The following ANKS1B variants were observed in gnomAD, a reference collection of about 807,000 sequenced individuals.
ANKS1B encodes ankyrin repeat and sterile alpha motif domain containing 1B, also known as ankyrin repeat and sterile alpha motif domain-containing protein 1B.
A neutral mutation model predicts 148.3 loss-of-function variants in ANKS1B; 36 were observed. The ratio of observed to expected loss-of-function variants is 0.24; its 90% CI spans 0.19 to 0.32. ANKS1B has a LOEUF of 0.32. Ranked by LOEUF, ANKS1B falls within the 10% of genes least tolerant of loss-of-function variation. ANKS1B has a pLI of 1.00. For missense variants in ANKS1B, 1,157 were observed against 1,542.6 expected, an observed-to-expected ratio of 0.75 and a Z score of 4.19; for synonymous variants, 542 against 560.8, an observed-to-expected ratio of 0.97 and a Z score of 0.47.
chr12:98,859,816 C>T (rs574473233), intron 17 of ANKS1B, among the ~76,000 whole-genome samples: 2 of 152,218 alleles, frequency 1.3e-5, no homozygotes, highest in East Asian at 1.9e-4. Flanking sequence ...AAATTTTTGG[C>T]CTTTTGGGAG....
intron 10 of ANKS1B, among the ~76,000 whole-genome samples, chr12:99,499,972 T>C (rs762110107): frequency 2.0e-5 from 3 of 151,104 alleles, no homozygotes; most frequent in African/African-American, 4.9e-5. Flanking sequence ...CCAGTGCCTG[T>C]CAAGCCAAAA....
Position 98,751,481 on chromosome 12 carries a change from G to A in ANKS1B, c.3621C>T (p.Phe1207=), listed in dbSNP as rs946642714. 1.9e-5 allele frequency: 30 copies of A among 1,613,950 alleles called. No individual in the cohort carries two copies. The highest frequency in any genetic ancestry group is 1.6e-4 in the Middle Eastern group (1 of 6,062). ...GTAGTGCTAGCTGGTAAGCGACTTC[G>A]AATGCCTGTCCCAGGGTTAGGATGA... is the stretch of plus-strand genomic sequence containing the variant. ...YEIILTLGQA[F]EVAYQLALQA... The change falls in exon 26 of 27, where the codon TTC becomes TTT. Residue 1207 remains phenylalanine (F), a synonymous_variant. Transcript: ENST00000683438. This position sits in a 1 kb window ranked among gnomAD's most constrained non-coding sequence, Gnocchi z 4.3.
chr12:99,098,802 G>A (rs1599934033), intron 15 of ANKS1B, among the ~76,000 whole-genome samples: 1 of 151,010 alleles, frequency 6.6e-6, no homozygotes, highest in African/African-American at 2.4e-5. Flanking sequence ...TAGCTTTGTG[G>A]CCTTGGGAAA....
chr12:99,093,215 A>G (rs957091997), intron 15 of ANKS1B: 6 of 152,204 alleles, frequency 3.9e-5, no homozygotes, highest in Non-Finnish European at 8.8e-5. Flanking sequence ...TTTCACATAA[A>G]TTATTTATCT....
chr12:99,575,756 TG>T (rs1330068109), intron 9 of ANKS1B, among the ~76,000 whole-genome samples: 1 of 151,948 alleles, frequency 6.6e-6, no homozygotes, highest in African/African-American at 2.4e-5. Flanking sequence ...GAGATTTGGG[TG>T]GGGACACCCA....
intron 1 of ANKS1B, among the ~76,000 whole-genome samples, chr12:99,973,401 G>A (rs2095584934): frequency 6.6e-6 from 1 of 152,158 alleles, no homozygotes; most frequent in South Asian, 2.1e-4. Flanking sequence ...GCAACATAGG[G>A]AAACCCTGTC....
intron 17 of ANKS1B, among the ~76,000 whole-genome samples, chr12:98,881,537 C>A (rs1364645688): frequency 1.3e-5 from 2 of 152,050 alleles, no homozygotes; most frequent in Non-Finnish European, 2.9e-5. Flanking sequence ...GAATGTTATT[C>A]TTTCTGCTGT....
intron 25 of ANKS1B, among the ~76,000 whole-genome samples, chr12:98,765,302 T>A (rs1231352212): frequency 6.6e-6 from 1 of 152,220 alleles, no homozygotes; most frequent in African/African-American, 2.4e-5. Context: ...TCTTGCTCAG[T>A]CACCCAGGCT....
intron 14 of ANKS1B, among the ~76,000 whole-genome samples, chr12:99,177,495 C>T (rs138294445): frequency 6.6e-6 from 1 of 152,294 alleles, no homozygotes; most frequent in East Asian, 1.9e-4. Flanking sequence ...GAAACATGTC[C>T]CTGATGATCT....
chr12:99,188,911 G>A (rs2080261403), intron 14 of ANKS1B, among the ~76,000 whole-genome samples: 1 of 152,066 alleles, frequency 6.6e-6, no homozygotes, highest in Admixed American at 6.6e-5. Context: ...CCAGGAGCTG[G>A]TTTTCTGAAA....
intron 8 of ANKS1B, among the ~76,000 whole-genome samples, chr12:99,744,258 T>C (rs1601226782): frequency 1.3e-5 from 2 of 152,360 alleles, no homozygotes; most frequent in Middle Eastern, 3.4e-3. Context: ...TTTCTCCTTT[T>C]TGAGAGTCAA....
At chr12:99,122,721 C>T (rs2063198224) in intron 15 of ANKS1B, among the ~76,000 whole-genome samples, 1 of 152,102 alleles carries the variant, frequency 6.6e-6, no homozygotes, top group Non-Finnish European at 1.5e-5. Flanking sequence ...AACCAGCAGT[C>T]CTCTCAGCAG....
At chr12:99,521,587 T>C (rs905088754) in intron 9 of ANKS1B, among the ~76,000 whole-genome samples, 1 of 152,186 alleles carries the variant, frequency 6.6e-6, no homozygotes, top group Non-Finnish European at 1.5e-5. Context: ...CCTAATGCTG[T>C]GGTTTTTGCA....
chr12:99,864,522 C>T (rs566101731), intron 1 of ANKS1B, among the ~76,000 whole-genome samples: 1 of 152,178 alleles, frequency 6.6e-6, no homozygotes, highest in South Asian at 2.1e-4. Flanking sequence ...TCCTTGTTTG[C>T]TGTGATAGGG....
rs967841926 is a variant in ANKS1B at position 99,955,672 on chromosome 12, A to G, written c.134+28432T>C. 1.2e-4 allele frequency among the ~76,000 whole-genome samples: 18 copies of G among 152,268 alleles called. No homozygotes were observed. The South Asian group carries it at 1.2e-3, about 11-fold the overall frequency. ...GGTTGCTGGAGGAAAACATGAACCA[A>G]TAACTTGCAGGCTTGAGTTACAAAG... On this transcript the variant is annotated intron_variant, in intron 1 of 26. Coordinates refer to ENST00000683438, the MANE Select transcript of ANKS1B (RefSeq NM_001352186.2).
chr12:99,951,803 T>C (rs1362981906), intron 1 of ANKS1B, among the ~76,000 whole-genome samples: 3 of 151,810 alleles, frequency 2.0e-5, no homozygotes, highest in Admixed American at 1.3e-4. Context: ...GGAAGATCAC[T>C]TGAGCCCAGC....
At chr12:99,475,767 CATTA>C (rs2096309407) in intron 10 of ANKS1B, among the ~76,000 whole-genome samples, 1 of 151,662 alleles carries the variant, frequency 6.6e-6, no homozygotes, top group South Asian at 2.1e-4. Flanking sequence ...ACTGTAATTA[CATTA>C]ATCAGTCATA....
At chr12:99,538,393 C>T (rs114491225) in intron 9 of ANKS1B, among the ~76,000 whole-genome samples, 2,054 of 152,126 alleles carry the variant, frequency 0.014, 53 homozygotes, top group African/African-American at 0.047. Context: ...TCCATGAACA[C>T]GGAATGTCTT....
chr12:99,936,454 C>A (rs1001209842), intron 1 of ANKS1B, among the ~76,000 whole-genome samples: 16 of 152,136 alleles, frequency 1.1e-4, no homozygotes, highest in Non-Finnish European at 2.9e-5. Flanking sequence ...CAGGACCAGC[C>A]TGGCCAATAT....
Sources: allele counts gnomAD v4.1 joint callset (sites outside exome capture counted in the v4.1 genomes callset), GRCh38; gene constraint gnomAD v4.1.1; non-coding constraint Gnocchi (gnomAD v3.1); transcripts MANE v1.5; gene names NCBI Gene and HGNC (gene_info 2026-07-23, HGNC 2026-07-21).